ITIH2: variants seen among roughly 807,000 people sequenced by gnomAD.
ITIH2 encodes inter-alpha-trypsin inhibitor heavy chain H2.
In ITIH2, 103 loss-of-function variants were observed where a neutral mutation model predicts 104.4. The ratio of observed to expected loss-of-function variants is 0.99; its 90% CI spans 0.84 to 1.16. The LOEUF is 1.16. ITIH2 is among the 50% of genes most tolerant of loss of function. The pLI is 0.00. For synonymous variants in ITIH2, 436 were observed against 435.4 expected (o/e 1.00, Z -0.02); for missense variants, 1,108 against 1,162.4 (o/e 0.95, Z 0.68).
chr10:7,725,529 T>C lies in ITIH2; in HGVS notation c.985-1421T>C, dbSNP rs11255318. Among the ~76,000 whole-genome samples, 393 of 152,250 alleles carry C rather than the reference T, an allele frequency of 2.6e-3. 2 individuals carry two copies. Among genetic ancestry groups the C allele is most frequent in the African/African-American group, 9.0e-3 (372 of 41,536 alleles). ...TCTGTTTTGAAGGTAGAGTAAACAGTATATCCTGAAGGGCTAGCTGTGAGG... is the reference window on the plus strand; with the variant it reads ...TCTGTTTTGAAGGTAGAGTAAACAGCATATCCTGAAGGGCTAGCTGTGAGG... On this transcript the variant is annotated intron_variant, in intron 9 of 20. Transcript: ENST00000358415.
At position 7,734,608 on chromosome 10, in the gene ITIH2, T is replaced by A. The variant is rs548929112; in HGVS notation, c.1788-314T>A. Among the ~76,000 whole-genome samples, 5 of 152,084 alleles carry A rather than the reference T, an allele frequency of 3.3e-5. No individual in the cohort carries two copies. In the East Asian group the frequency reaches 9.7e-4, roughly 29 times the overall value. On this transcript the variant is annotated intron_variant, in intron 14 of 20. Coordinates refer to ENST00000358415, the MANE Select transcript of ITIH2 (RefSeq NM_002216.3). ...TACTCAGGAGGCTGAGGGAGGAGGA[T>A]CTCTTGAGCCCAGGAGGTTGAGGCT...
chr10:7,721,754 G>A lies in ITIH2; in HGVS notation c.844G>A (p.Glu282Lys), dbSNP rs1378819003. The A allele has an allele frequency of 1.2e-6, 2 of 1,613,960 alleles. No homozygotes were observed. The highest frequency in any genetic ancestry group is 1.7e-5 in the Admixed American group (1 of 59,994). The change falls in exon 8 of 21, where the codon GAA becomes AAA. Residue 282 changes from glutamate (E) to lysine (K), a missense_variant. Physicochemically the swap from Glu to Lys is moderately conservative, Grantham distance 56. Transcript: ENST00000358415. ...GGTGGTGCTGTATGACGTGAAAAGA[G>A]AAGAGAAGGCTGGTGAACTGGAGGT... ...ELVVLYDVKR[E>K]EKAGELEVFN... is the part of the protein sequence containing the mutation.
chr10:7,719,625 G>A (rs921495878), intron 6 of ITIH2, among the ~76,000 whole-genome samples: 3 of 151,702 alleles, frequency 2.0e-5, no homozygotes, highest in Non-Finnish European at 2.9e-5. Context: ...GCCAGGCATG[G>A]TGGTGCTCCC....
intron 17 of ITIH2, 66 bp downstream of exon 17, chr10:7,743,325 G>T: frequency 2.5e-6 from 2 of 810,788 alleles, no homozygotes; most frequent in Non-Finnish European, 4.1e-6. Context: ...TCACTGCCTG[G>T]GATTTCTTTC....
chr10:7,709,342 T>C (rs1213211911), intron 4 of ITIH2, 151 bp downstream of exon 4: 2 of 678,944 alleles, frequency 2.9e-6, no homozygotes, highest in African/African-American at 3.6e-5. Flanking sequence ...AATAATTTTC[T>C]CCTCTTCAAA....
At chr10:7,712,805 C>T (rs4497303) in intron 4 of ITIH2, among the ~76,000 whole-genome samples, 71,459 of 151,992 alleles carry the variant, frequency 0.47, 19,293 homozygotes, top group Non-Finnish European at 0.61. Context: ...GTTGTTTGCT[C>T]GCTCTTGTTT....
intron 4 of ITIH2, 85 bp downstream of exon 4, chr10:7,709,276 G>T: frequency 7.9e-7 from 1 of 1,268,928 alleles, no homozygotes; most frequent in Non-Finnish European, 1.1e-6. Context: ...GGACTTTAGT[G>T]GTCAACTGTC....
At chr10:7,730,352 T>C (rs1454899562) in intron 12 of ITIH2, among the ~76,000 whole-genome samples, 1 of 152,140 alleles carries the variant, frequency 6.6e-6, no homozygotes, top group Non-Finnish European at 1.5e-5. Flanking sequence ...CAGATGGGTG[T>C]TGGGAACAGC....
chr10:7,709,143 T>G lies in ITIH2; in HGVS notation c.314T>G (p.Val105Gly). ...AATTCCCCGCAGCCTCAGAATGTCG[T>G]GTTTGATGTTCAGATCCCCAAAGGA... ...VNNSPQPQNV[V>G]FDVQIPKGAF... The change falls in exon 4 of 21, where the codon GTG (valine) becomes GGG (glycine). Residue 105 changes from valine to glycine, a missense_variant. Transcript: ENST00000358415. The G allele has an allele frequency of 1.9e-6, 3 of 1,614,168 alleles. No individual in the cohort carries two copies. Among genetic ancestry groups the G allele is most frequent in the Non-Finnish European group, 2.5e-6 (3 of 1,180,032 alleles).
chr10:7,727,680 G>A (rs759165056), intron 10 of ITIH2, 23 bp from the exon 11 acceptor site: 27 of 1,612,820 alleles, frequency 1.7e-5, no homozygotes, highest in East Asian at 1.6e-4. Flanking sequence ...CATACCCAAC[G>A]TTTCATTATG....
At chr10:7,720,524 G>A (rs1834892053) in intron 6 of ITIH2, among the ~76,000 whole-genome samples, 1 of 152,102 alleles carries the variant, frequency 6.6e-6, no homozygotes, top group African/African-American at 2.4e-5. Context: ...ATTTAACAAT[G>A]AGGGAAAAAG....
At chr10:7,715,936 C>T (rs1223277976) in intron 5 of ITIH2, among the ~76,000 whole-genome samples, 5 of 151,798 alleles carry the variant, frequency 3.3e-5, no homozygotes, top group Non-Finnish European at 1.5e-5. Flanking sequence ...AGACAGGGCT[C>T]ACTACAACCT....
At chr10:7,733,484 A>G (rs564348137) in intron 14 of ITIH2, among the ~76,000 whole-genome samples, 31 of 152,278 alleles carry the variant, frequency 2.0e-4, no homozygotes, top group African/African-American at 7.2e-4. Flanking sequence ...GGGCTCCCCT[A>G]TGCTCATCTA....
Position 7,703,491 on chromosome 10 carries a change from C to T in ITIH2, c.57C>T (p.Phe19=), listed in dbSNP as rs549295916. Residue 19 remains phenylalanine (F), a synonymous_variant, in exon 1 of 21, where the codon TTC becomes TTT. Transcript: ENST00000358415. ...TCTTTCTTTCTGAAGTATCAGGCTT[C>T]GAAATCCCCATAAATGGACTTTCTG... is the stretch of plus-strand genomic sequence containing the variant. ...ICFFLSEVSG[F]EIPINGLSEF... is the part of the protein sequence containing the mutation. The T allele has an allele frequency of 9.9e-5, 160 of 1,613,222 alleles. 2 individuals are homozygous for T. In the South Asian group the frequency reaches 1.5e-3, roughly 15 times the overall value.
chr10:7,749,071 G>A, intron 20 of ITIH2, 116 bp from the exon 21 acceptor site: 2 of 999,564 alleles, frequency 2.0e-6, no homozygotes, highest in Non-Finnish European at 3.0e-6. Flanking sequence ...GCAGCGATAG[G>A]TGGGGGGCGG....
chr10:7,734,975 A>G lies in ITIH2; in HGVS notation c.1841A>G (p.Gln614Arg). Residue 614 changes from glutamine to arginine, a missense_variant, in exon 15 of 21, where the codon CAG becomes CGG. By Grantham distance (43) the Gln-to-Arg change is conservative (BLOSUM62 1). Transcript: ENST00000358415. ...AKRRITRSIL[Q>R]MSLDHHIVTP... ...AGAAGAATTACAAGATCGATCCTGCAGATGTCTCTAGACCACCACATTGTG... is the reference window on the plus strand; with the variant it reads ...AGAAGAATTACAAGATCGATCCTGCGGATGTCTCTAGACCACCACATTGTG... 3.1e-6 allele frequency: 5 copies of G among 1,613,830 alleles called. No homozygotes were observed. Among genetic ancestry groups the G allele is most frequent in the Non-Finnish European group, 4.2e-6 (5 of 1,179,960 alleles).
intron 11 of ITIH2, among the ~76,000 whole-genome samples, chr10:7,728,802 G>A (rs1187263626): frequency 2.6e-5 from 4 of 152,070 alleles, no homozygotes; most frequent in Admixed American, 6.6e-5. Flanking sequence ...AGTCTAACAC[G>A]TCCTGACACA....
At position 7,721,654 on chromosome 10, in the gene ITIH2, C is replaced by T. The variant is rs775362609; in HGVS notation, c.744C>T (p.His248=). 9 of 1,613,268 alleles carry T rather than the reference C, an allele frequency of 5.6e-6. No individual in the cohort carries two copies. The highest frequency in any genetic ancestry group is 3.3e-5 in the Admixed American group (2 of 59,964). Residue 248 remains histidine, a synonymous_variant, in exon 8 of 21, where the codon CAC becomes CAT. Coordinates refer to ENST00000358415, the MANE Select transcript of ITIH2 (RefSeq NM_002216.3). The part of the protein sequence containing the change: ...PVISKGQQKA[H]VSFKPTVAQQ... ...GATGTCACCGTTCTTTCTAGGCGCA[C>T]GTCTCCTTCAAGCCCACGGTAGCAC...
intron 16 of ITIH2, 133 bp from the exon 17 acceptor site, chr10:7,743,013 G>A: frequency 1.6e-6 from 1 of 609,294 alleles, no homozygotes; most frequent in East Asian, 2.9e-5. Flanking sequence ...AGACCTGGAG[G>A]AGTACCGAGC....
Sources: allele counts gnomAD v4.1 joint callset (sites outside exome capture counted in the v4.1 genomes callset), GRCh38; gene constraint gnomAD v4.1.1; transcripts MANE v1.5; gene names NCBI Gene and HGNC (gene_info 2026-07-23, HGNC 2026-07-21).